Variants in PKD1L1 observed in about 807,000 individuals in gnomAD.
The protein encoded by PKD1L1 is polycystin-1-like protein 1.
In PKD1L1, 236 loss-of-function variants were observed where a neutral mutation model predicts 323.4. The ratio of observed to expected loss-of-function variants is 0.73; its 90% CI spans 0.66 to 0.81. The LOEUF (loss-of-function observed/expected upper bound fraction) is 0.81, where lower values mean the gene tolerates loss of function less well. Ranked by LOEUF, PKD1L1 falls within the 40% of genes least tolerant of loss-of-function variation. The probability of loss-of-function intolerance (pLI) is 0.00; values close to 1 mark genes in which losing one functional copy is unlikely to be tolerated. For missense variants in PKD1L1, 3,320 were observed against 3,508.0 expected (o/e 0.95, Z 1.35); for synonymous variants, 1,344 against 1,335.0 (o/e 1.01, Z -0.15).
At chr7:47,852,621 A>G (rs767676809) in intron 31 of PKD1L1, among the ~76,000 whole-genome samples, 10 of 152,114 alleles carry the variant, frequency 6.6e-5, no homozygotes, top group Non-Finnish European at 4.4e-5. Flanking sequence ...TGAGGCTCAG[A>G]ATCCTAAGCC....
intron 31 of PKD1L1, among the ~76,000 whole-genome samples, chr7:47,850,927 G>T (rs970335168): frequency 1.3e-5 from 2 of 152,140 alleles, no homozygotes; most frequent in South Asian, 2.1e-4. Flanking sequence ...AGAGCAAAGT[G>T]AATTTTGCTC....
chr7:47,853,020 A>C, intron 31 of PKD1L1, 107 bp downstream of exon 31: 1 of 766,068 alleles, frequency 1.3e-6, no homozygotes, highest in Non-Finnish European at 2.2e-6. Context: ...AAGGATTCTG[A>C]TGTTTTTGTC....
At chr7:47,864,091 A>G (rs1027976200) in intron 26 of PKD1L1, among the ~76,000 whole-genome samples, 2 of 152,086 alleles carry the variant, frequency 1.3e-5, no homozygotes, top group African/African-American at 4.8e-5. Context: ...TGAAAAGAGA[A>G]ACTCTGGAGA....
intron 7 of PKD1L1, among the ~76,000 whole-genome samples, chr7:47,926,669 G>A (rs1363811489): frequency 2.0e-5 from 3 of 152,074 alleles, no homozygotes; most frequent in Non-Finnish European, 4.4e-5. Context: ...TGTGGAAAAA[G>A]GAACAAGCAA....
In PKD1L1 at chr7:47,834,835, T is replaced by TA. The variant is rs373887191; in HGVS notation, c.6127+131dup. On this transcript the variant is annotated intron_variant, in intron 39 of 56. Coordinates refer to ENST00000289672, the MANE Select transcript of PKD1L1 (RefSeq NM_138295.5). Reference sequence around the variant, plus strand: ...AAAATAAAATGACTTTTACACACATTAAATGATGCTCAATGTTACTCATAA... The same window carrying TA: ...AAAATAAAATGACTTTTACACACATTAAAATGATGCTCAATGTTACTCATAA... 162 of 744,758 alleles carry TA rather than the reference T, an allele frequency of 2.2e-4. No individual in the cohort carries two copies. The African/African-American group carries it at 2.2e-3, about 10-fold the overall frequency. 46.1% of individuals were successfully genotyped at this position (744,758 alleles called of 1,614,324 possible).
intron 8 of PKD1L1, among the ~76,000 whole-genome samples, chr7:47,908,985 C>T (rs1787264630): frequency 1.3e-5 from 2 of 152,176 alleles, no homozygotes; most frequent in Non-Finnish European, 2.9e-5. Context: ...CAGTCTCCTC[C>T]AGGAGACTGG....
Position 47,865,206 on chromosome 7 carries a change from T to G in PKD1L1, c.4149+10A>C. On this transcript the variant is annotated intron_variant, in intron 26 of 56. Coordinates refer to ENST00000289672, the MANE Select transcript of PKD1L1 (RefSeq NM_138295.5). ...ATAGGAAAATATTTCTGGGAAAAAATTGCACTTACCTTATTAGAGAAGCTC... is the reference window on the plus strand; with the variant it reads ...ATAGGAAAATATTTCTGGGAAAAAAGTGCACTTACCTTATTAGAGAAGCTC... 1.9e-6 allele frequency: 3 copies of G among 1,606,304 alleles called. No individual in the cohort carries two copies. The highest frequency in any genetic ancestry group is 2.6e-6 in the Non-Finnish European group (3 of 1,174,964).
intron 13 of PKD1L1, among the ~76,000 whole-genome samples, chr7:47,899,712 T>C (rs1369234173): frequency 6.6e-6 from 1 of 151,996 alleles, no homozygotes; most frequent in Non-Finnish European, 1.5e-5. Context: ...ATCCCAGCAC[T>C]TTGGGAGGCC....
At chr7:47,908,331 TG>T in intron 8 of PKD1L1, 81 bp from the exon 9 acceptor site, 1 of 1,340,088 alleles carries the variant, frequency 7.5e-7, no homozygotes, top group South Asian at 1.3e-5. Context: ...ATGGTCAAAA[TG>T]GGGTGATTAA....
chr7:47,925,321 T>G (rs1787636224), intron 7 of PKD1L1, among the ~76,000 whole-genome samples: 1 of 151,978 alleles, frequency 6.6e-6, no homozygotes. Context: ...ACCAGCCTGG[T>G]CAATATAGTG....
In PKD1L1 at chr7:47,815,913, A is replaced by T. The variant is rs567217305; in HGVS notation, c.6966-456T>A. ...GGGGTAAGCAGATGTTCAAGCAGCC[A>T]TGGAAGCTTCAGTAGGTGGTGATGT... On this transcript the variant is annotated intron_variant, in intron 46 of 56. Coordinates refer to ENST00000289672, the MANE Select transcript of PKD1L1 (RefSeq NM_138295.5). Among the ~76,000 whole-genome samples the T allele has an allele frequency of 7.5e-4, 114 of 152,028 alleles. 2 individuals are homozygous for T. The highest frequency in any genetic ancestry group is 1.1e-3 in the Non-Finnish European group (76 of 67,988).
At chr7:47,864,445 T>C (rs1451833853) in intron 26 of PKD1L1, among the ~76,000 whole-genome samples, 1 of 152,038 alleles carries the variant, frequency 6.6e-6, no homozygotes, top group African/African-American at 2.4e-5. Context: ...AAAAACCCAA[T>C]GCCATGTGTT....
intron 56 of PKD1L1, 137 bp downstream of exon 56, chr7:47,792,490 T>A (rs980738965): frequency 1.2e-6 from 1 of 850,576 alleles, no homozygotes. Flanking sequence ...CCAGAGCATA[T>A]CTTATCAGCA....
At chr7:47,825,888 T>C (rs1785232415) in intron 45 of PKD1L1, among the ~76,000 whole-genome samples, 1 of 152,174 alleles carries the variant, frequency 6.6e-6, no homozygotes, top group African/African-American at 2.4e-5. Context: ...CCTAATACTT[T>C]ACTAGTTTTG....
rs10464386 is a variant in PKD1L1, at chr7:47,884,856, G to A, written c.3206-199C>T. Reference sequence around the variant, plus strand: ...TGGGCAAGGCAGGTTTCATTGCCCCGGGGCCCCAGGAGGAGGAGAGGGAGC... The same window carrying A: ...TGGGCAAGGCAGGTTTCATTGCCCCAGGGCCCCAGGAGGAGGAGAGGGAGC... On this transcript the variant is annotated intron_variant, in intron 18 of 56. Transcript: ENST00000289672. Among the ~76,000 whole-genome samples the A allele has an allele frequency of 0.42, 64,491 of 151,760 alleles. 14,493 individuals carry two copies. The highest frequency in any genetic ancestry group is 0.55 in the African/African-American group (22,851 of 41,368).
chr7:47,936,334 C>A (rs564594931), intron 4 of PKD1L1, among the ~76,000 whole-genome samples: 1 of 152,282 alleles, frequency 6.6e-6, no homozygotes, highest in South Asian at 2.1e-4. Context: ...TCCTCCTCCC[C>A]ACAGCCCCTG....
intron 31 of PKD1L1, among the ~76,000 whole-genome samples, chr7:47,848,853 A>G (rs1785720458): frequency 6.6e-6 from 1 of 152,226 alleles, no homozygotes; most frequent in South Asian, 2.1e-4. Flanking sequence ...GAACTAGACA[A>G]AACAATCCTA....
Position 47,854,896 on chromosome 7 carries a change from G to T in PKD1L1, c.4845C>A (p.Val1615=). Residue 1615 remains valine, a synonymous_variant, in exon 30 of 57, where the codon GTC becomes GTA. Transcript: ENST00000289672. ...CATCAACACACCTTACTAGCAACAT[G>T]ACGGGAAATGCCCTTGTAACAGGTT... ...FSKPVTRAFP[V]MLLVRFSEKP... 6.2e-7 allele frequency: 1 copy of T among 1,614,088 alleles called. No homozygotes were observed. The highest frequency in any genetic ancestry group is 1.1e-5 in the South Asian group (1 of 91,028).
At chr7:47,947,689 T>C (rs1295137637) in intron 1 of PKD1L1, among the ~76,000 whole-genome samples, 7 of 152,192 alleles carry the variant, frequency 4.6e-5, no homozygotes, top group Admixed American at 3.9e-4. Flanking sequence ...CCATGGAGGC[T>C]GGGTGCGGTG....
Sources: gnomAD v4.1 joint callset for allele counts (sites outside exome capture counted in the v4.1 genomes callset) on GRCh38, gnomAD v4.1.1 for gene constraint, MANE v1.5 for transcripts, NCBI Gene and HGNC (gene_info 2026-07-23, HGNC 2026-07-21) for gene names.